Variants in NBN observed in about 807,000 individuals in gnomAD.
NBN encodes nibrin, also known as Nijmegen breakage syndrome 1 (nibrin).
NBN carries 88 observed loss-of-function variants against 90.8 expected under a neutral mutation model. The observed-to-expected ratio is 0.97, with a 90% CI of 0.82 to 1.16. The LOEUF is 1.16. NBN is among the 50% of genes most tolerant of loss of function. NBN has a pLI of 0.00. For synonymous variants in NBN, 328 were observed against 295.1 expected (o/e 1.11, Z -1.14); for missense variants, 894 against 869.6 (o/e 1.03, Z -0.35).
At chr8:89,966,763 C>G (rs979751579) in intron 7 of NBN, among the ~76,000 whole-genome samples, 2 of 152,096 alleles carry the variant, frequency 1.3e-5, no homozygotes, top group African/African-American at 4.8e-5. Flanking sequence ...ACTTGTTCTA[C>G]CAGCTAGGAG....
At chr8:89,955,704 A>C in intron 9 of NBN, 149 bp from the exon 10 acceptor site, 3 of 898,564 alleles carry the variant, frequency 3.3e-6, no homozygotes, top group South Asian at 3.5e-5. Context: ...TACCATCCCA[A>C]GAAAGCAACT....
In NBN at chr8:89,981,264, G is replaced by A. The variant is rs1031844332; in HGVS notation, c.320+111C>T. 12 of 1,209,340 alleles carry A rather than the reference G, an allele frequency of 9.9e-6. 1 individual carries two copies. Among genetic ancestry groups the A allele is most frequent in the Admixed American group, 5.2e-5 (3 of 57,372 alleles). 74.9% of individuals were successfully genotyped at this position (1,209,340 alleles called of 1,614,324 possible). A position where few individuals can be genotyped will look rare whatever the true frequency, so the allele number is the denominator to read the frequency against. On this transcript the variant is annotated intron_variant, in intron 3 of 15. Transcript: ENST00000265433. ...GGCACAGAGTCCAATACTGTGCTAA[G>A]CAGGAACTAAATTATACTGTTTTAA... is the stretch of plus-strand genomic sequence containing the variant.
intron 11 of NBN, among the ~76,000 whole-genome samples, chr8:89,951,372 A>G (rs935517501): frequency 3.2e-4 from 49 of 151,972 alleles, no homozygotes; most frequent in Non-Finnish European, 3.4e-4. Flanking sequence ...AAAGAAAATA[A>G]CATGTCAGAG....
chr8:89,945,280 T>C (rs537040567), intron 13 of NBN, among the ~76,000 whole-genome samples: 2 of 152,264 alleles, frequency 1.3e-5, no homozygotes, highest in East Asian at 3.9e-4. Flanking sequence ...AACAAAAAGG[T>C]ATAGTGGTGC....
At chr8:89,947,928 G>A (rs1810273936) in intron 11 of NBN, 36 bp from the exon 12 acceptor site, 17 of 1,240,580 alleles carry the variant, frequency 1.4e-5, no homozygotes, top group Non-Finnish European at 2.0e-5. Context: ...GTTCATAGGA[G>A]TAATAAAATG....
rs1272494402 is a variant in NBN, at chr8:89,971,253, T to C, written c.622A>G (p.Lys208Glu). The change falls in exon 6 of 16, where the codon AAA becomes GAA. Residue 208 changes from lysine (K) to glutamate (E), a missense_variant. By Grantham distance (56) the Lys-to-Glu change is moderately conservative. Coordinates refer to ENST00000265433, the MANE Select transcript of NBN (RefSeq NM_002485.5). ...TGCCGTCCTGACAGATCAACATTTT[T>C]ACTTCCAATAGATGGTTCATCAAGA... The part of the protein sequence containing the change: ...PPLDEPSIGS[K>E]NVDLSGRQER... 1 of 1,613,272 alleles carries C rather than the reference T, an allele frequency of 6.2e-7. No individual in the cohort carries two copies. Among genetic ancestry groups the C allele is most frequent in the African/African-American group, 1.3e-5 (1 of 74,998 alleles).
At chr8:89,938,257 C>T (rs1338530309) in intron 14 of NBN, among the ~76,000 whole-genome samples, 2 of 152,128 alleles carry the variant, frequency 1.3e-5, no homozygotes, top group Admixed American at 6.5e-5. Flanking sequence ...GAAACTGCAA[C>T]TGTAAGTGAG....
intron 8 of NBN, among the ~76,000 whole-genome samples, chr8:89,962,882 A>C (rs992199782): frequency 2.0e-5 from 3 of 152,140 alleles, no homozygotes; most frequent in African/African-American, 7.2e-5. Context: ...ATTTCTCAAA[A>C]CGTCACACAT....
chr8:89,963,092 T>C (rs1811072980), intron 8 of NBN, among the ~76,000 whole-genome samples: 1 of 152,220 alleles, frequency 6.6e-6, no homozygotes, highest in South Asian at 2.1e-4. Context: ...GTAAAGTGCT[T>C]ACTCTAGTCT....
intron 1 of NBN, 68 bp downstream of exon 1, chr8:89,984,457 C>T: frequency 6.8e-7 from 1 of 1,468,994 alleles, no homozygotes; most frequent in Non-Finnish European, 9.5e-7. Flanking sequence ...CAGGAATCAC[C>T]CGCAGGCCCT....
At position 89,935,502 on chromosome 8, in the gene NBN, TA is replaced by T. The variant is rs1809627899; in HGVS notation, c.*79del. ...TGTAACTTAAATCGCTTCTATACAC[TA>T]TATATTCATATAACCTTGTTGGCCT... On this transcript the variant is annotated 3_prime_UTR_variant, in exon 16 of 16. Coordinates refer to ENST00000265433, the MANE Select transcript of NBN (RefSeq NM_002485.5). The T allele has an allele frequency of 6.5e-6, 10 of 1,548,840 alleles. No homozygotes were observed. The highest frequency in any genetic ancestry group is 8.0e-6 in the Non-Finnish European group (9 of 1,124,060).
chr8:89,960,168 G>A (rs1810925612), intron 8 of NBN, among the ~76,000 whole-genome samples: 1 of 152,174 alleles, frequency 6.6e-6, no homozygotes, highest in South Asian at 2.1e-4. Flanking sequence ...CTAGGTCCTT[G>A]TGACACAGGA....
intron 12 of NBN, among the ~76,000 whole-genome samples, chr8:89,947,224 G>A (rs747657134): frequency 6.6e-6 from 1 of 152,104 alleles, no homozygotes; most frequent in Non-Finnish European, 1.5e-5. Context: ...GAGTATTTGA[G>A]GTTCTTAAAT....
Position 89,982,206 on chromosome 8 carries a change from G to A in NBN, c.171+516C>T, listed in dbSNP as rs1586110538. On this transcript the variant is annotated intron_variant, in intron 2 of 15. Coordinates refer to ENST00000265433, the MANE Select transcript of NBN (RefSeq NM_002485.5). ...GAAAGCCATTTAAAGGAGCTGTGGG[G>A]CATAAGTAAGCATTTCCCTAATAAA... 2.0e-5 allele frequency among the ~76,000 whole-genome samples: 3 copies of A among 152,074 alleles called. No individual in the cohort carries two copies. The South Asian group carries it at 6.2e-4, about 31-fold the overall frequency.
In NBN at chr8:89,934,125, AACTGTAAAAT is replaced by A; in HGVS notation, c.*1447_*1456del. The stretch of plus-strand genomic sequence containing the variant: ...TATTAATCTGTCCATTATATTCCTT[AACTGTAAAAT>A]GGAGACCATATGTTCCACCAGCTTC... On this transcript the variant is annotated 3_prime_UTR_variant, in exon 16 of 16. Coordinates refer to ENST00000265433, the MANE Select transcript of NBN (RefSeq NM_002485.5). 4.3e-6 allele frequency: 1 copy of A among 230,410 alleles called. No homozygotes were observed. The highest frequency in any genetic ancestry group is 8.6e-6 in the Non-Finnish European group (1 of 116,328). 14.3% of individuals were successfully genotyped at this position (230,410 alleles called of 1,614,324 possible).
rs1335414652 is a variant in NBN, at chr8:89,971,236, T to G, written c.639A>C (p.Ser213=). The change falls in exon 6 of 16, where the codon TCA becomes TCC. Residue 213 remains serine (S), a synonymous_variant. Transcript: ENST00000265433. The part of the protein sequence containing the change: ...PSIGSKNVDL[S]GRQERKQIFK... Reference sequence around the variant, plus strand: ...AGATTTGTTTTCTTTCCTGCCGTCCTGACAGATCAACATTTTTACTTCCAA... The same window carrying G: ...AGATTTGTTTTCTTTCCTGCCGTCCGGACAGATCAACATTTTTACTTCCAA... The G allele has an allele frequency of 6.2e-7, 1 of 1,613,324 alleles. No individual in the cohort carries two copies. The highest frequency in any genetic ancestry group is 8.5e-7 in the Non-Finnish European group (1 of 1,179,514).
At chr8:89,962,365 T>G (rs1330438484) in intron 8 of NBN, among the ~76,000 whole-genome samples, 1 of 152,226 alleles carries the variant, frequency 6.6e-6, no homozygotes, top group Non-Finnish European at 1.5e-5. Context: ...CGTTTTTATA[T>G]GTTTGTTGTA....
At chr8:89,976,510 C>T (rs1210283241) in intron 5 of NBN, among the ~76,000 whole-genome samples, 1 of 152,212 alleles carries the variant, frequency 6.6e-6, no homozygotes, top group East Asian at 1.9e-4. Context: ...ACTGCTCTCT[C>T]CTGGGAGGGG....
rs1363180098 is a variant in NBN at position 89,984,547 on chromosome 8, C to T, written c.15G>A (p.Leu5=). Residue 5 remains leucine, a synonymous_variant, in exon 1 of 16, where the codon CTG becomes CTA. Coordinates refer to ENST00000265433, the MANE Select transcript of NBN (RefSeq NM_002485.5). The part of the protein sequence containing the change: MWKL[L]PAAGPAGGEP... ...TACCTCCTGCCGGGCCCGCGGCGGG[C>T]AGCAGTTTCCACATCGGTCCGGCTC... is the stretch of plus-strand genomic sequence containing the variant. The T allele has an allele frequency of 6.2e-7, 1 of 1,613,208 alleles. No individual in the cohort carries two copies. Among genetic ancestry groups the T allele is most frequent in the Non-Finnish European group, 8.5e-7 (1 of 1,179,802 alleles).
Sources: allele counts gnomAD v4.1 joint callset (sites outside exome capture counted in the v4.1 genomes callset), GRCh38; gene constraint gnomAD v4.1.1; transcripts MANE v1.5; gene names NCBI Gene and HGNC (gene_info 2026-07-23, HGNC 2026-07-21).